TRPM7: variants seen among roughly 807,000 people sequenced by gnomAD.
TRPM7 encodes the protein LTRPC ion channel family member 7.
A neutral mutation model predicts 229.7 loss-of-function variants in TRPM7; 134 were observed. That is an observed-to-expected ratio of 0.58 (90% CI 0.51 to 0.67). The LOEUF is 0.67. TRPM7 is among the 30% of genes least tolerant of loss of function. The probability of loss-of-function intolerance (pLI) is 0.00; values close to 1 mark genes in which losing one functional copy is unlikely to be tolerated. For missense variants in TRPM7, 1,901 were observed against 2,210.0 expected (o/e 0.86, Z 2.80); for synonymous variants, 699 against 715.2 (o/e 0.98, Z 0.36).
intron 1 of TRPM7, among the ~76,000 whole-genome samples, chr15:50,676,156 T>C (rs2062089590): frequency 6.6e-6 from 1 of 152,158 alleles, no homozygotes; most frequent in African/African-American, 2.4e-5. Context: ...AAGGGACATG[T>C]ATTACAAATA....
At chr15:50,669,075 G>T (rs556363393) in intron 1 of TRPM7, among the ~76,000 whole-genome samples, 2 of 152,222 alleles carry the variant, frequency 1.3e-5, no homozygotes, top group East Asian at 1.9e-4. Context: ...GTTATCTTGG[G>T]ACCTCAAGAA....
chr15:50,626,558 G>T (rs972957456), intron 11 of TRPM7, among the ~76,000 whole-genome samples: 1 of 152,028 alleles, frequency 6.6e-6, no homozygotes, highest in Non-Finnish European at 1.5e-5. Flanking sequence ...AATCAAATAG[G>T]TAACACTATG....
At chr15:50,569,737 A>G in intron 38 of TRPM7, 150 bp downstream of exon 38, 2 of 480,794 alleles carry the variant, frequency 4.2e-6, no homozygotes, top group Non-Finnish European at 3.7e-6. Context: ...ATTCATTTAT[A>G]ACCAACAATA....
At chr15:50,619,930 G>C in intron 12 of TRPM7, 132 bp from the exon 13 acceptor site, 1 of 718,898 alleles carries the variant, frequency 1.4e-6, no homozygotes, top group African/African-American at 1.9e-5. Flanking sequence ...TATTCATAAA[G>C]TAGAACAACA....
intron 11 of TRPM7, 81 bp from the exon 12 acceptor site, chr15:50,624,381 TTA>T: frequency 2.6e-5 from 12 of 457,474 alleles, no homozygotes; most frequent in Middle Eastern, 8.0e-4. Context: ...TCCTTAGGAT[TTA>T]CATTTAATTT....
chr15:50,638,358 C>CAAAAAAAAAAA (rs60939201), intron 6 of TRPM7, among the ~76,000 whole-genome samples: 2 of 42,270 alleles, frequency 4.7e-5, no homozygotes, highest in African/African-American at 2.5e-4. Flanking sequence ...GACTCCGTCT[C>CAAAAAAAAAAA]AAAAAAAAAA....
chr15:50,671,301 C>T (rs1370671612), intron 1 of TRPM7, among the ~76,000 whole-genome samples: 1 of 152,062 alleles, frequency 6.6e-6, no homozygotes, highest in African/African-American at 2.4e-5. Context: ...GAAGTGAGAC[C>T]ATGTAGTATC....
In TRPM7 at chr15:50,574,943, T is replaced by C. The variant is rs909275553; in HGVS notation, c.4928A>G (p.His1643Arg). The C allele has an allele frequency of 1.9e-6, 3 of 1,614,018 alleles. No individual in the cohort carries two copies. In the African/African-American group the frequency reaches 4.0e-5, roughly 22 times the overall value. The change falls in exon 34 of 39, where the codon CAT becomes CGT. Residue 1643 changes from histidine (H) to arginine (R), a missense_variant. Transcript: ENST00000646667. ...WSEHDILKSG[H>R]LYIIKSFLPE... ...AAGAAAAGATTTGATAATATAAAGA[T>C]GCCCTGATTTGAGGATATCATGTTC... is the stretch of plus-strand genomic sequence containing the variant.
chr15:50,605,225 C>T, intron 20 of TRPM7, 81 bp from the exon 21 acceptor site: 1 of 1,151,662 alleles, frequency 8.7e-7, no homozygotes, highest in Non-Finnish European at 1.2e-6. Context: ...TATAACATTA[C>T]AGTAGAATTT....
At chr15:50,610,815 TA>T (rs2060045302) in intron 17 of TRPM7, among the ~76,000 whole-genome samples, 1 of 152,102 alleles carries the variant, frequency 6.6e-6, no homozygotes, top group African/African-American at 2.4e-5. Flanking sequence ...TCAAGGCTGC[TA>T]GGGGCCATAA....
At chr15:50,612,123 T>C (rs1165427041) in intron 16 of TRPM7, among the ~76,000 whole-genome samples, 2 of 152,196 alleles carry the variant, frequency 1.3e-5, no homozygotes, top group Non-Finnish European at 2.9e-5. Context: ...CAGGGTCTAT[T>C]GCTGTCACCT....
chr15:50,664,308 C>CAAA (rs36108092), intron 1 of TRPM7, among the ~76,000 whole-genome samples: 107 of 58,818 alleles, frequency 1.8e-3, no homozygotes, highest in Middle Eastern at 8.3e-3. Flanking sequence ...GACTCCGTCT[C>CAAA]AAAAAAAAAA....
intron 1 of TRPM7, among the ~76,000 whole-genome samples, chr15:50,680,522 T>A (rs985855937): frequency 1.3e-5 from 2 of 150,876 alleles, no homozygotes; most frequent in African/African-American, 4.9e-5. Flanking sequence ...TGAGCCAAGA[T>A]CGCACCACTG....
intron 26 of TRPM7, among the ~76,000 whole-genome samples, chr15:50,591,532 T>C (rs2059492855): frequency 6.6e-6 from 1 of 151,692 alleles, no homozygotes; most frequent in Non-Finnish European, 1.5e-5. Flanking sequence ...GGTCTCATTC[T>C]GTCACACAGG....
At chr15:50,624,557 G>GA (rs1596236103) in intron 11 of TRPM7, among the ~76,000 whole-genome samples, 2 of 152,076 alleles carry the variant, frequency 1.3e-5, no homozygotes, top group Admixed American at 1.3e-4. Context: ...TTACATGGGG[G>GA]AAAAAACAGA....
At chr15:50,631,031 T>G (rs969384086) in intron 10 of TRPM7, among the ~76,000 whole-genome samples, 19 of 152,092 alleles carry the variant, frequency 1.2e-4, no homozygotes, top group African/African-American at 4.6e-4. Flanking sequence ...TGGGTCTATC[T>G]TGTCCAGGCT....
At chr15:50,647,644 C>A (rs191883199) in intron 4 of TRPM7, among the ~76,000 whole-genome samples, 1 of 152,054 alleles carries the variant, frequency 6.6e-6, no homozygotes, top group Non-Finnish European at 1.5e-5. Context: ...ACTCTGGAGG[C>A]TGAGGCAGGA....
chr15:50,606,681 T>C (rs1039705304), intron 20 of TRPM7, among the ~76,000 whole-genome samples: 1 of 151,972 alleles, frequency 6.6e-6, no homozygotes, highest in Non-Finnish European at 1.5e-5. Context: ...ATATTTTTAG[T>C]AGAGATGGGG....
At chr15:50,599,772 G>A (rs2059726418) in intron 21 of TRPM7, 1 of 152,204 alleles carries the variant, frequency 6.6e-6, no homozygotes, top group Non-Finnish European at 1.5e-5. Flanking sequence ...CACCCACCCT[G>A]AATCCATGGG....
Sources: allele counts gnomAD v4.1 joint callset (sites outside exome capture counted in the v4.1 genomes callset), GRCh38; gene constraint gnomAD v4.1.1; transcripts MANE v1.5; gene names NCBI Gene and HGNC (gene_info 2026-07-23, HGNC 2026-07-21).